The following SORCS3 variants were observed in gnomAD, a reference collection of about 807,000 sequenced individuals.
The protein encoded by SORCS3 is sortilin related VPS10 domain containing receptor 3.
A neutral mutation model predicts 146.3 loss-of-function variants in SORCS3; 57 were observed. The ratio of observed to expected loss-of-function variants is 0.39; its 90% CI spans 0.31 to 0.49. SORCS3 has a LOEUF of 0.49. Among genes scored for constraint, SORCS3 ranks in the 20% least tolerant of loss-of-function variants. SORCS3 has a pLI of 0.92. For missense variants in SORCS3, 1,341 were observed against 1,575.5 expected (o/e 0.85, Z 2.52); for synonymous variants, 653 against 618.5 (o/e 1.06, Z -0.83).
chr10:104,944,771 CACTTTAGAAA>C (rs2019352775), intron 3 of SORCS3, among the ~76,000 whole-genome samples: 1 of 152,300 alleles, frequency 6.6e-6, no homozygotes, highest in South Asian at 2.1e-4. Context: ...TTGTTATAAC[CACTTTAGAAA>C]ACCGGCAGTG....
chr10:104,864,527 C>T (rs2018439750), intron 2 of SORCS3, among the ~76,000 whole-genome samples: 1 of 152,160 alleles, frequency 6.6e-6, no homozygotes, highest in Non-Finnish European at 1.5e-5. Flanking sequence ...AAAGCTTGTC[C>T]ATAGGGTCTC....
At chr10:105,234,390 C>T (rs1221861672) in intron 20 of SORCS3, among the ~76,000 whole-genome samples, 1 of 151,732 alleles carries the variant, frequency 6.6e-6, no homozygotes, top group Non-Finnish European at 1.5e-5. Context: ...TCTCAGTGTT[C>T]TCTGAGTTTT....
At chr10:105,195,665 T>C (rs562117638) in intron 14 of SORCS3, among the ~76,000 whole-genome samples, 19 of 152,332 alleles carry the variant, frequency 1.2e-4, no homozygotes, top group Non-Finnish European at 2.2e-4. Flanking sequence ...AGTGACCATG[T>C]GTCTGAGTCA....
At chr10:104,719,030 A>G (rs1818657010) in intron 1 of SORCS3, among the ~76,000 whole-genome samples, 1 of 152,176 alleles carries the variant, frequency 6.6e-6, no homozygotes, top group South Asian at 2.1e-4. Flanking sequence ...TGAATGATAT[A>G]TTTTAATTTA....
chr10:105,039,121 T>C (rs989674815), intron 4 of SORCS3, among the ~76,000 whole-genome samples: 4 of 152,188 alleles, frequency 2.6e-5, no homozygotes, highest in African/African-American at 9.7e-5. Flanking sequence ...AGTTGTTTGA[T>C]ACACTTTTAG....
intron 2 of SORCS3, among the ~76,000 whole-genome samples, chr10:104,852,893 A>C (rs1450459210): frequency 1.3e-5 from 2 of 152,220 alleles, no homozygotes; most frequent in African/African-American, 4.8e-5. Context: ...GAGTGGTTCC[A>C]CAAGAGAGTG....
chr10:105,063,538 T>C (rs2055501722), intron 5 of SORCS3, among the ~76,000 whole-genome samples: 1 of 152,232 alleles, frequency 6.6e-6, no homozygotes, highest in Non-Finnish European at 1.5e-5. Flanking sequence ...TGTATATAAC[T>C]TCAAATATAA....
intron 4 of SORCS3, among the ~76,000 whole-genome samples, chr10:104,977,736 T>TC (rs202016508): frequency 8.1e-5 from 12 of 147,550 alleles, no homozygotes; most frequent in African/African-American, 2.5e-4. Flanking sequence ...TTTTCTTTTT[T>TC]TTTTTTTTTT....
chr10:105,147,555 C>T (rs1319738812), intron 8 of SORCS3, 62 bp from the exon 9 acceptor site: 2 of 1,410,638 alleles, frequency 1.4e-6, no homozygotes, highest in Non-Finnish European at 1.9e-6. Context: ...AATTACTTGG[C>T]ATCCCAATGG....
At chr10:105,241,358 G>A (rs1247602738) in intron 20 of SORCS3, among the ~76,000 whole-genome samples, 1 of 152,210 alleles carries the variant, frequency 6.6e-6, no homozygotes, top group Non-Finnish European at 1.5e-5. Flanking sequence ...TCACCTCAGG[G>A]GGAGCGCAGC....
intron 3 of SORCS3, among the ~76,000 whole-genome samples, chr10:104,940,238 A>ATTT (rs1186082602): frequency 2.9e-3 from 91 of 31,410 alleles, no homozygotes; most frequent in Non-Finnish European, 4.3e-3. Flanking sequence ...ATATATATAT[A>ATTT]TTTTTTTTTT....
chr10:105,180,803 T>G (rs1415837312), intron 14 of SORCS3, among the ~76,000 whole-genome samples: 1 of 152,144 alleles, frequency 6.6e-6, no homozygotes, highest in East Asian at 1.9e-4. Context: ...CTTCCCTACT[T>G]AAACAACTAA....
At chr10:105,251,089 C>T (rs374745264) in intron 22 of SORCS3, among the ~76,000 whole-genome samples, 1 of 152,248 alleles carries the variant, frequency 6.6e-6, no homozygotes. Flanking sequence ...CTGTATTAGT[C>T]CATTCTCAAA....
chr10:105,192,167 G>A (rs1347411625), intron 14 of SORCS3, among the ~76,000 whole-genome samples: 2 of 152,124 alleles, frequency 1.3e-5, no homozygotes, highest in Non-Finnish European at 2.9e-5. Context: ...AAAACCGTGA[G>A]TTCTTTATGA....
At chr10:105,117,146 T>G (rs1530909) in intron 7 of SORCS3, among the ~76,000 whole-genome samples, 2 of 151,860 alleles carry the variant, frequency 1.3e-5, no homozygotes, top group African/African-American at 2.4e-5. Context: ...CTAGTGGGAT[T>G]GAGCCCTAAT....
At chr10:104,977,604 C>A in intron 4 of SORCS3, 111 bp downstream of exon 4, 1 of 1,018,660 alleles carries the variant, frequency 9.8e-7, no homozygotes, top group Non-Finnish European at 1.4e-6. Context: ...TTTCATCATT[C>A]CAACCCAAAT....
intron 1 of SORCS3, among the ~76,000 whole-genome samples, chr10:104,658,116 A>G (rs1028186682): frequency 6.6e-6 from 1 of 152,174 alleles, no homozygotes; most frequent in Non-Finnish European, 1.5e-5. Flanking sequence ...TTTCTTGTGC[A>G]CTTACTAATT....
At chr10:104,846,561 G>A (rs2018207229) in intron 2 of SORCS3, among the ~76,000 whole-genome samples, 1 of 152,212 alleles carries the variant, frequency 6.6e-6, no homozygotes, top group South Asian at 2.1e-4. Flanking sequence ...ATAATTATCT[G>A]CCTTACTGGA....
chr10:104,688,885 G>C (rs1311693988), intron 1 of SORCS3, among the ~76,000 whole-genome samples: 1 of 152,208 alleles, frequency 6.6e-6, no homozygotes, highest in Non-Finnish European at 1.5e-5. Context: ...GAGATGCCCA[G>C]GGCAGGTTCT....
Sources: allele counts gnomAD v4.1 joint callset (sites outside exome capture counted in the v4.1 genomes callset), GRCh38; gene constraint gnomAD v4.1.1; transcripts MANE v1.5; gene names NCBI Gene and HGNC (gene_info 2026-07-23, HGNC 2026-07-21).